Variants in RNF169 observed in about 807,000 individuals in gnomAD.
RNF169 encodes the protein ring finger protein 169, also known as E3 ubiquitin-protein ligase RNF169.
A neutral mutation model predicts 53.9 loss-of-function variants in RNF169; 24 were observed. The observed-to-expected ratio is 0.45, with a 90% CI of 0.32 to 0.63. The LOEUF (loss-of-function observed/expected upper bound fraction) is 0.63, where lower values mean the gene tolerates loss of function less well. Ranked by LOEUF, RNF169 falls within the 20% of genes least tolerant of loss-of-function variation. RNF169 has a pLI of 0.04. For missense variants in RNF169, 883 were observed against 906.2 expected (o/e 0.97, Z 0.33); for synonymous variants, 396 against 363.5 (o/e 1.09, Z -1.02).
In RNF169 at chr11:74,817,540, G is replaced by C. The variant is rs192403047; in HGVS notation, c.724-56G>C. 2,990 of 1,072,550 alleles carry C rather than the reference G, an allele frequency of 2.8e-3. 9 individuals carry two copies. Among genetic ancestry groups the C allele is most frequent in the Non-Finnish European group, 3.6e-3 (2,480 of 690,348 alleles). The allele number at this position is 1,072,550 out of a possible 1,614,324, so 66.4% of individuals were successfully genotyped here. Reference sequence around the variant, plus strand: ...AAAGAGATTTGAACCTATAGCTAGAGTAGATGCCTTGGGAACTCCAAATGG... The same window carrying C: ...AAAGAGATTTGAACCTATAGCTAGACTAGATGCCTTGGGAACTCCAAATGG... On this transcript the variant is annotated intron_variant, in intron 3 of 5. Coordinates refer to ENST00000299563, the MANE Select transcript of RNF169 (RefSeq NM_001098638.2).
intron 2 of RNF169, among the ~76,000 whole-genome samples, chr11:74,796,925 A>C (rs998711537): frequency 6.6e-6 from 1 of 152,192 alleles, no homozygotes; most frequent in African/African-American, 2.4e-5. Context: ...TCACAGGTGT[A>C]CACTACAGAC....
chr11:74,829,271 G>T (rs541772660), intron 4 of RNF169, among the ~76,000 whole-genome samples: 1 of 152,294 alleles, frequency 6.6e-6, no homozygotes, highest in South Asian at 2.1e-4. Context: ...TTAGAGAAAT[G>T]CAAATCAAAA....
intron 1 of RNF169, among the ~76,000 whole-genome samples, chr11:74,785,315 G>T (rs983600318): frequency 7.0e-6 from 1 of 143,202 alleles, no homozygotes; most frequent in East Asian, 2.0e-4. Context: ...ATATATATAT[G>T]TTATATATAT....
chr11:74,754,061 A>AT (rs1261456364), intron 1 of RNF169, among the ~76,000 whole-genome samples: 6 of 152,174 alleles, frequency 3.9e-5, no homozygotes, highest in Non-Finnish European at 8.8e-5. Flanking sequence ...ATATTGACAT[A>AT]TTAAATATTT....
At chr11:74,779,861 T>A (rs1221899984) in intron 1 of RNF169, among the ~76,000 whole-genome samples, 1 of 152,178 alleles carries the variant, frequency 6.6e-6, no homozygotes, top group Non-Finnish European at 1.5e-5. Context: ...TTGGCTGCTT[T>A]TTTTTGGAGA....
At chr11:74,778,973 T>C (rs1167879492) in intron 1 of RNF169, among the ~76,000 whole-genome samples, 1 of 152,238 alleles carries the variant, frequency 6.6e-6, no homozygotes. Context: ...TCCCATCTTA[T>C]GAAAGCAATA....
rs184131295 is a variant in RNF169 at position 74,769,994 on chromosome 11, G to A, written c.503-19632G>A. Among the ~76,000 whole-genome samples the A allele has an allele frequency of 1.6e-4, 24 of 152,312 alleles. No homozygotes were observed. The East Asian group carries it at 4.4e-3, about 28-fold the overall frequency. On this transcript the variant is annotated intron_variant, in intron 1 of 5. Transcript: ENST00000299563. ...TTAGTACTATACAGGGTCTCACCAT[G>A]TTGCCCAGGTTGGTCTTGAACTCCT...
intron 2 of RNF169, among the ~76,000 whole-genome samples, chr11:74,809,531 C>T (rs1420130847): frequency 6.6e-6 from 1 of 152,176 alleles, no homozygotes; most frequent in Non-Finnish European, 1.5e-5. Context: ...CCATAAATTT[C>T]TTTGTACAGC....
At chr11:74,781,113 GA>G (rs2035411544) in intron 1 of RNF169, among the ~76,000 whole-genome samples, 1 of 152,210 alleles carries the variant, frequency 6.6e-6, no homozygotes. Flanking sequence ...GTGTTGAGGA[GA>G]AAAAGTTCAT....
At chr11:74,825,373 A>G (rs537016865) in intron 4 of RNF169, among the ~76,000 whole-genome samples, 6 of 152,340 alleles carry the variant, frequency 3.9e-5, no homozygotes, top group African/African-American at 1.4e-4. Flanking sequence ...AGAAGTCACA[A>G]GAGAAATTAG....
intron 4 of RNF169, among the ~76,000 whole-genome samples, chr11:74,824,612 A>C (rs1377790400): frequency 6.6e-6 from 1 of 152,248 alleles, no homozygotes; most frequent in Non-Finnish European, 1.5e-5. Context: ...CAAAGATCAC[A>C]AATCACTATA....
chr11:74,832,653 C>CT (rs1218908615), intron 4 of RNF169: 3 of 152,124 alleles, frequency 2.0e-5, no homozygotes, highest in Non-Finnish European at 2.9e-5. Flanking sequence ...TTAAAAAAGT[C>CT]TTTCTCAGGT....
At chr11:74,759,973 T>C (rs2035054211) in intron 1 of RNF169, among the ~76,000 whole-genome samples, 1 of 151,180 alleles carries the variant, frequency 6.6e-6, no homozygotes, top group Non-Finnish European at 1.5e-5. Flanking sequence ...TATTGATTAT[T>C]GCCACAATTT....
Position 74,797,484 on chromosome 11 carries a change from G to A in RNF169, c.576+7785G>A, listed in dbSNP as rs901283189. 5.3e-5 allele frequency among the ~76,000 whole-genome samples: 8 copies of A among 152,016 alleles called. No homozygotes were observed. In the East Asian group the frequency reaches 1.2e-3, roughly 22 times the overall value. ...TATTTTTAAAAGCTTTTTCTTATTC[G>A]ATTATAAATCTTTCAAGATAGATCT... is the stretch of plus-strand genomic sequence containing the variant. On this transcript the variant is annotated intron_variant, in intron 2 of 5. Coordinates refer to ENST00000299563, the MANE Select transcript of RNF169 (RefSeq NM_001098638.2).
At chr11:74,833,766 G>C (rs2036212363) in intron 4 of RNF169, among the ~76,000 whole-genome samples, 1 of 152,170 alleles carries the variant, frequency 6.6e-6, no homozygotes. Context: ...ACAAAGGCGA[G>C]TGAGAAATTA....
At chr11:74,766,674 T>C (rs1426702142) in intron 1 of RNF169, among the ~76,000 whole-genome samples, 1 of 152,216 alleles carries the variant, frequency 6.6e-6, no homozygotes, top group African/African-American at 2.4e-5. Flanking sequence ...ATAAGATTGC[T>C]AATGATTGAT....
Position 74,835,983 on chromosome 11 carries a change from G to A in RNF169, c.1380G>A (p.Gly460=). Residue 460 remains glycine, a synonymous_variant, in exon 6 of 6, where the codon GGG becomes GGA. Transcript: ENST00000299563. ...ATLTSLAPEM[G]EELLGSEGIH... is the part of the protein sequence containing the mutation. Reference sequence around the variant, plus strand: ...TTACCTCTCTGGCTCCTGAAATGGGGGAAGAGTTACTAGGCTCTGAAGGTA... The same window carrying A: ...TTACCTCTCTGGCTCCTGAAATGGGAGAAGAGTTACTAGGCTCTGAAGGTA... 6.2e-7 allele frequency: 1 copy of A among 1,614,168 alleles called. No homozygotes were observed. Among genetic ancestry groups the A allele is most frequent in the East Asian group, 2.2e-5 (1 of 44,880 alleles).
chr11:74,786,192 G>A lies in RNF169; in HGVS notation c.503-3434G>A, dbSNP rs1280733303. ...CTGACCTTGTGATCTGCCTGTCTTGGCCTCCCAAAGTGCTGGGATTACAGG... is the reference window on the plus strand; with the variant it reads ...CTGACCTTGTGATCTGCCTGTCTTGACCTCCCAAAGTGCTGGGATTACAGG... On this transcript the variant is annotated intron_variant, in intron 1 of 5. Coordinates refer to ENST00000299563, the MANE Select transcript of RNF169 (RefSeq NM_001098638.2). 2.0e-5 allele frequency among the ~76,000 whole-genome samples: 3 copies of A among 150,964 alleles called. No individual in the cohort carries two copies. The East Asian group carries it at 5.8e-4, about 29-fold the overall frequency.
chr11:74,754,682 G>A (rs1162792959), intron 1 of RNF169, among the ~76,000 whole-genome samples: 1 of 152,126 alleles, frequency 6.6e-6, no homozygotes, highest in Non-Finnish European at 1.5e-5. Flanking sequence ...TTAGCCGGAC[G>A]TGGTGGTGCA....
Sources: gnomAD v4.1 joint callset for allele counts (sites outside exome capture counted in the v4.1 genomes callset) on GRCh38, gnomAD v4.1.1 for gene constraint, MANE v1.5 for transcripts, NCBI Gene and HGNC (gene_info 2026-07-23, HGNC 2026-07-21) for gene names.